The following SAGE1 variants were observed in gnomAD, a reference collection of about 807,000 sequenced individuals.
SAGE1 encodes cancer/testis antigen 14.
SAGE1 carries 55 observed loss-of-function variants against 55.4 expected under a neutral mutation model. The observed-to-expected ratio is 0.99, with a 90% CI of 0.80 to 1.24. The LOEUF is 1.24. Among genes scored for constraint, SAGE1 ranks in the 50% most tolerant of loss-of-function variants. SAGE1 has a pLI of 0.00. For missense variants in SAGE1, 710 were observed against 704.4 expected, an observed-to-expected ratio of 1.01 and a Z score of -0.09; for synonymous variants, 240 against 244.3, an observed-to-expected ratio of 0.98 and a Z score of 0.17.
At chrX:135,895,350 C>T (rs2088569512) in intron 1 of SAGE1, among the ~76,000 whole-genome samples, 1 of 112,189 alleles carries the variant, frequency 8.9e-6, no homozygotes, top group East Asian at 2.8e-4. Context: ...CCTCTTTACC[C>T]CCACTTTGGT....
At position 135,910,504 on chromosome X, in the gene SAGE1, C is replaced by G; in HGVS notation, c.1954C>G (p.Leu652Val). 1 of 1,210,404 alleles carries G rather than the reference C, an allele frequency of 8.3e-7. No individual in the cohort carries two copies. The highest frequency in any genetic ancestry group is 1.1e-6 in the Non-Finnish European group (1 of 894,257). ...CATCTTGTCAACTGCTCCTCCATGGCTTCGTCATATGGCAGCAGCTGGAAT... is the reference window on the plus strand; with the variant it reads ...CATCTTGTCAACTGCTCCTCCATGGGTTCGTCATATGGCAGCAGCTGGAAT... ...GNILSTAPPW[L>V]RHMAAAGISS... is the part of the protein sequence containing the mutation. The change falls in exon 16 of 20, where the codon CTT becomes GTT. Residue 652 changes from leucine to valine, a missense_variant. Coordinates refer to ENST00000370709, the MANE Select transcript of SAGE1 (RefSeq NM_001381902.1).
chrX:135,905,986 A>G (rs782168106), intron 5 of SAGE1, 38 bp from the exon 6 acceptor site: 19 of 1,153,171 alleles, frequency 1.6e-5, no homozygotes, highest in Non-Finnish European at 2.1e-5. Context: ...GACGTAATGC[A>G]CTTACCTCAC....
chrX:135,901,374 G>T (rs2088677350), intron 2 of SAGE1, among the ~76,000 whole-genome samples, 185 bp from the exon 3 acceptor site: 1 of 110,835 alleles, frequency 9.0e-6, no homozygotes, highest in Non-Finnish European at 1.9e-5. Context: ...GTTTCACTGA[G>T]ACTTGACTAA....
At chrX:135,901,379 G>C (rs1422037410) in intron 2 of SAGE1, among the ~76,000 whole-genome samples, 180 bp from the exon 3 acceptor site, 2 of 110,925 alleles carry the variant, frequency 1.8e-5, no homozygotes, top group African/African-American at 6.6e-5. Flanking sequence ...ACTGAGACTT[G>C]ACTAAAATTA....
At chrX:135,911,095 G>T in intron 16 of SAGE1, 97 bp from the exon 17 acceptor site, 1 of 954,658 alleles carries the variant, frequency 1.0e-6, no homozygotes, top group South Asian at 2.3e-5. Context: ...CCTGCTGTAT[G>T]GGATAACGTC....
At position 135,912,706 on chromosome X, in the gene SAGE1, A is replaced by T. The variant is rs1556607139; in HGVS notation, c.2616-92A>T. On this transcript the variant is annotated intron_variant, in intron 19 of 19. Coordinates refer to ENST00000370709, the MANE Select transcript of SAGE1 (RefSeq NM_001381902.1). ...GGATGCATTTTCTGTTTGCATGTAG[A>T]TGGTAAATTCTATTTTGTATCCACT... The T allele has an allele frequency of 3.5e-6, 4 of 1,133,594 alleles. No homozygotes were observed. The African/African-American group carries it at 7.3e-5, about 21-fold the overall frequency. 93.4% of individuals were successfully genotyped at this position (1,133,594 alleles called of 1,213,427 possible). A position where few individuals can be genotyped will look rare whatever the true frequency, so the allele number is the denominator to read the frequency against.
rs1556601704 is a variant in SAGE1 at position 135,906,924 on chromosome X, A to G, written c.737-2A>G. 3.3e-6 allele frequency: 4 copies of G among 1,209,005 alleles called. No homozygotes were observed. The highest frequency in any genetic ancestry group is 4.5e-6 in the Non-Finnish European group (4 of 894,000). On this transcript the variant is annotated splice_acceptor_variant, in intron 7 of 19. Coordinates refer to ENST00000370709, the MANE Select transcript of SAGE1 (RefSeq NM_001381902.1). LOFTEE classifies it high-confidence loss of function. The stretch of plus-strand genomic sequence containing the variant: ...AGCTCAGCCTCTTCATTTGGTTTCC[A>G]GATGCTACCATCACTTACAATGTCC...
chrX:135,912,210 A>G (rs1294471414), intron 18 of SAGE1, 111 bp from the exon 19 acceptor site: 58 of 1,108,632 alleles, frequency 5.2e-5, no homozygotes, highest in Non-Finnish European at 6.6e-5. Flanking sequence ...AACAAGCACT[A>G]TGTAACATTG....
intron 2 of SAGE1, among the ~76,000 whole-genome samples, chrX:135,900,195 A>T (rs189342181): frequency 9.0e-6 from 1 of 111,108 alleles, no homozygotes; most frequent in Admixed American, 9.6e-5. Context: ...GAGAGCTTTT[A>T]ATATAAGGGG....
intron 14 of SAGE1, 105 bp from the exon 15 acceptor site, chrX:135,909,925 G>A (rs782117269): frequency 2.2e-5 from 22 of 1,007,722 alleles, no homozygotes; most frequent in Admixed American, 1.3e-4. Context: ...TATCCTCTCC[G>A]GCTTTATGAT....
intron 2 of SAGE1, 24 bp from the exon 3 acceptor site, chrX:135,901,535 A>G: frequency 8.3e-7 from 1 of 1,200,750 alleles, no homozygotes; most frequent in Non-Finnish European, 1.1e-6. Flanking sequence ...TCTTTAATGG[A>G]ATATGTTCAC....
Position 135,910,055 on chromosome X carries a change from T to G in SAGE1, c.1749T>G (p.His583Gln), listed in dbSNP as rs782175661. The change falls in exon 15 of 20, where the codon CAT becomes CAG. Residue 583 changes from histidine to glutamine, a missense_variant. Transcript: ENST00000370709. ...DQYATVTHNV[H>Q]EEKIKNGQAA... ...ATGCTACCGTCACTCACAATGTCCATGAAGAGAAGATTAAAAATGGCCAAG... is the reference window on the plus strand; with the variant it reads ...ATGCTACCGTCACTCACAATGTCCAGGAAGAGAAGATTAAAAATGGCCAAG... 1.7e-6 allele frequency: 2 copies of G among 1,208,227 alleles called. No individual in the cohort carries two copies. Among genetic ancestry groups the G allele is most frequent in the African/African-American group, 3.5e-5 (2 of 57,107 alleles).
At chrX:135,902,021 T>C (rs1556597011) in intron 3 of SAGE1, among the ~76,000 whole-genome samples, 3 of 112,083 alleles carry the variant, frequency 2.7e-5, no homozygotes, top group Non-Finnish European at 5.6e-5. Flanking sequence ...GGCGTTAATG[T>C]CTCAGCAGCA....
intron 3 of SAGE1, among the ~76,000 whole-genome samples, chrX:135,902,110 A>G (rs1340623598): frequency 1.4e-3 from 140 of 99,649 alleles, no homozygotes; most frequent in East Asian, 3.4e-3. Flanking sequence ...CCCTGTTACT[A>G]GAGACTCATT....
chrX:135,898,113 G>A lies in SAGE1; in HGVS notation c.87+1784G>A, dbSNP rs192354089. 7.5e-3 allele frequency among the ~76,000 whole-genome samples: 836 copies of A among 111,634 alleles called. 6 individuals carry two copies. Among genetic ancestry groups the A allele is most frequent in the African/African-American group, 0.025 (778 of 30,699 alleles). On this transcript the variant is annotated intron_variant, in intron 2 of 19. Coordinates refer to ENST00000370709, the MANE Select transcript of SAGE1 (RefSeq NM_001381902.1). ...GCTCACTGCAAGCTCCGCCTCCCGG[G>A]CTCATGCCATTCTCCTGCCTCAGCC...
At chrX:135,911,152 GCA>G in intron 16 of SAGE1, 38 bp from the exon 17 acceptor site, 1 of 1,196,558 alleles carries the variant, frequency 8.4e-7, no homozygotes. Flanking sequence ...TTGTCATTAT[GCA>G]CTTACTTCAC....
In SAGE1 at chrX:135,908,143, C is replaced by G. The variant is rs1407909369; in HGVS notation, c.1214C>G (p.Thr405Ser). ...REEKKDNSQPTPDNVLSAVTP... is the reference protein window; with the variant it reads ...REEKKDNSQPSPDNVLSAVTP... Reference sequence around the variant, plus strand: ...GAGAAGAAAGATAACAGCCAACCAACCCCTGATAACGTCTTGTCAGCTGTT... The same window carrying G: ...GAGAAGAAAGATAACAGCCAACCAAGCCCTGATAACGTCTTGTCAGCTGTT... Residue 405 changes from threonine to serine, a missense_variant, in exon 11 of 20, where the codon ACC becomes AGC. Coordinates refer to ENST00000370709, the MANE Select transcript of SAGE1 (RefSeq NM_001381902.1). 17 of 1,206,618 alleles carry G rather than the reference C, an allele frequency of 1.4e-5. No individual in the cohort carries two copies. Among genetic ancestry groups the G allele is most frequent in the Non-Finnish European group, 1.9e-5 (17 of 892,817 alleles).
chrX:135,902,372 T>A (rs1372367726), intron 3 of SAGE1, among the ~76,000 whole-genome samples: 1 of 112,254 alleles, frequency 8.9e-6, no homozygotes. Flanking sequence ...AATAGGCATG[T>A]AAAATTCAAC....
intron 19 of SAGE1, 99 bp downstream of exon 19, chrX:135,912,513 C>T (rs1395475973): frequency 8.5e-7 from 1 of 1,171,490 alleles, no homozygotes; most frequent in Non-Finnish European, 1.1e-6. Context: ...TAATCCCTGG[C>T]CCTCAATCAT....
Sources: allele counts gnomAD v4.1 joint callset (sites outside exome capture counted in the v4.1 genomes callset), GRCh38; gene constraint gnomAD v4.1.1; transcripts MANE v1.5; gene names NCBI Gene and HGNC (gene_info 2026-07-23, HGNC 2026-07-21).